Variants in THSD7A observed in about 807,000 individuals in gnomAD.
THSD7A encodes thrombospondin type-1 domain-containing protein 7A.
Under a neutral mutation model 231.3 loss-of-function variants are expected in THSD7A, and 96 were observed. That is an observed-to-expected ratio of 0.41 (90% CI 0.35 to 0.49). The LOEUF is 0.49. THSD7A is among the 20% of genes least tolerant of loss of function. The probability of loss-of-function intolerance (pLI) is 0.05; values close to 1 mark genes in which losing one functional copy is unlikely to be tolerated. For synonymous variants in THSD7A, 940 were observed against 743.3 expected (o/e 1.26, Z -4.30); for missense variants, 2,290 against 2,070.2 (o/e 1.11, Z -2.06).
At chr7:11,410,470 G>T (rs955163772) in intron 19 of THSD7A, 2 of 152,164 alleles carry the variant, frequency 1.3e-5, no homozygotes, top group African/African-American at 4.8e-5. Context: ...TACTTATCTT[G>T]GTTGGTATTT....
intron 1 of THSD7A, among the ~76,000 whole-genome samples, chr7:11,781,717 T>A (rs1783638036): frequency 6.6e-6 from 1 of 152,230 alleles, no homozygotes; most frequent in Non-Finnish European, 1.5e-5. Context: ...TAAACAAAGA[T>A]AATTTAGTAT....
At chr7:11,740,961 A>G (rs1015912430) in intron 1 of THSD7A, among the ~76,000 whole-genome samples, 3 of 151,950 alleles carry the variant, frequency 2.0e-5, no homozygotes, top group African/African-American at 2.4e-5. Flanking sequence ...TGAAAAATAC[A>G]CCTCGGTAGA....
In THSD7A at chr7:11,453,400, G is replaced by A. The variant is rs1583770380; in HGVS notation, c.2606-5976C>T. Among the ~76,000 whole-genome samples, 5 of 151,192 alleles carry A rather than the reference G, an allele frequency of 3.3e-5. 1 individual carries two copies. The highest frequency in any genetic ancestry group is 9.7e-5 in the African/African-American group (4 of 41,228). ...AGTGACACAGGGTGAGGACTCCTAGGGCCAGGAGGACCTCTCCTATGCAAG... is the reference window on the plus strand; with the variant it reads ...AGTGACACAGGGTGAGGACTCCTAGAGCCAGGAGGACCTCTCCTATGCAAG... On this transcript the variant is annotated intron_variant, in intron 11 of 27. Transcript: ENST00000423059.
At chr7:11,586,160 A>G (rs913552652) in intron 4 of THSD7A, among the ~76,000 whole-genome samples, 10 of 152,180 alleles carry the variant, frequency 6.6e-5, no homozygotes, top group Non-Finnish European at 1.0e-4. Context: ...TACTTATATT[A>G]TTCTCAAAAA....
Position 11,401,796 on chromosome 7 carries a change from A to G in THSD7A, c.4410T>C (p.Tyr1470=), listed in dbSNP as rs751772260. ...GAGTATATGAACGGTAGCACTCACC[A>G]TAACATGATTTTGTTTCTAACATCT... ...PEQMLETKSC[Y]DGQCYEYKWM... is the part of the protein sequence containing the mutation. Residue 1470 remains tyrosine (Y), a splice_region_variant and synonymous_variant, in exon 23 of 28, where the codon TAT becomes TAC. Transcript: ENST00000423059. 2.5e-6 allele frequency: 4 copies of G among 1,612,462 alleles called. No homozygotes were observed. In the South Asian group the frequency reaches 4.4e-5, roughly 18 times the overall value.
At chr7:11,716,221 C>T (rs1781132442) in intron 1 of THSD7A, among the ~76,000 whole-genome samples, 1 of 151,506 alleles carries the variant, frequency 6.6e-6, no homozygotes, top group South Asian at 2.1e-4. Context: ...CATGGCATTC[C>T]TTCTGCCTGG....
At chr7:11,429,587 T>C (rs1411151895) in intron 13 of THSD7A, among the ~76,000 whole-genome samples, 5 of 152,244 alleles carry the variant, frequency 3.3e-5, no homozygotes, top group Admixed American at 2.6e-4. Flanking sequence ...AAAGGAACCA[T>C]TTAACTTAGC....
chr7:11,439,162 C>T (rs1370231418), intron 13 of THSD7A, among the ~76,000 whole-genome samples: 1 of 151,820 alleles, frequency 6.6e-6, no homozygotes, highest in Non-Finnish European at 1.5e-5. Flanking sequence ...TAATAGTGTT[C>T]AGCACCAATT....
rs139685713 is a variant in THSD7A at position 11,744,891 on chromosome 7, C to A, written c.190+86866G>T. ...AAGTCTTTGCTGTTGTGAGTAGTGC[C>A]ACAATAAGCACACATGTGCATGTGT... On this transcript the variant is annotated intron_variant, in intron 1 of 27. Transcript: ENST00000423059. Among the ~76,000 whole-genome samples the A allele has an allele frequency of 4.2e-3, 637 of 152,118 alleles. 2 individuals carry two copies. Among genetic ancestry groups the A allele is most frequent in the Non-Finnish European group, 6.9e-3 (471 of 67,992 alleles).
Position 11,831,978 on chromosome 7 carries a change from G to A in THSD7A, c.-32C>T, listed in dbSNP as rs1562586711. The A allele has an allele frequency of 5.8e-6, 7 of 1,215,420 alleles. No individual in the cohort carries two copies. Among genetic ancestry groups the A allele is most frequent in the Non-Finnish European group, 7.2e-6 (7 of 976,474 alleles). The allele number at this position is 1,215,420 out of a possible 1,614,324, so 75.3% of individuals were successfully genotyped here. ...TGCAGCCACTCCAGGGTCCAGAGCC[G>A]TAGCACGCTCGGCAGGGAATTTTTC... On this transcript the variant is annotated 5_prime_UTR_variant, in exon 1 of 28. It adds an upstream start codon to the 5' untranslated region. Coordinates refer to ENST00000423059, the MANE Select transcript of THSD7A (RefSeq NM_015204.3). The surrounding 1 kb of genome is among the most constrained non-coding windows in gnomAD (Gnocchi z 5.0).
At chr7:11,828,667 T>A (rs1443951869) in intron 1 of THSD7A, among the ~76,000 whole-genome samples, 1 of 152,202 alleles carries the variant, frequency 6.6e-6, no homozygotes, top group African/African-American at 2.4e-5. Context: ...CCACAGTGGT[T>A]ACATATTTTA....
Position 11,636,981 on chromosome 7 carries a change from A to C in THSD7A, c.191-20T>G. 2 of 1,584,402 alleles carry C rather than the reference A, an allele frequency of 1.3e-6. No homozygotes were observed. The highest frequency in any genetic ancestry group is 1.7e-6 in the Non-Finnish European group (2 of 1,168,566). ...ATGGACCTACAAAAATTATAACACA[A>C]AAATTAGCAGTGCTACTAGAAGAAA... is the stretch of plus-strand genomic sequence containing the variant. On this transcript the variant is annotated intron_variant, in intron 1 of 27. Coordinates refer to ENST00000423059, the MANE Select transcript of THSD7A (RefSeq NM_015204.3). This position sits in a 1 kb window ranked among gnomAD's most constrained non-coding sequence, Gnocchi z 10.0.
chr7:11,490,203 A>G (rs2128307316), intron 6 of THSD7A, among the ~76,000 whole-genome samples: 1 of 152,208 alleles, frequency 6.6e-6, no homozygotes, highest in Non-Finnish European at 1.5e-5. Flanking sequence ...AATCAATAAT[A>G]TCACATTTGA....
rs189786941 is a variant in THSD7A, at chr7:11,682,839, T to C, written c.191-45878A>G. Reference sequence around the variant, plus strand: ...TCTGCACATAGAACATATTCTATGATTGATCACGTTTGGTCACAAAGCAAG... The same window carrying C: ...TCTGCACATAGAACATATTCTATGACTGATCACGTTTGGTCACAAAGCAAG... On this transcript the variant is annotated intron_variant, in intron 1 of 27. Transcript: ENST00000423059. Among the ~76,000 whole-genome samples the C allele has an allele frequency of 1.1e-3, 167 of 152,124 alleles. 3 individuals are homozygous for C. The highest frequency in any genetic ancestry group is 3.7e-3 in the African/African-American group (155 of 41,518).
intron 11 of THSD7A, among the ~76,000 whole-genome samples, chr7:11,450,243 A>G (rs1785101356): frequency 6.6e-6 from 1 of 152,090 alleles, no homozygotes; most frequent in South Asian, 2.1e-4. Context: ...GTGCAGATCT[A>G]TACTATTCAC....
Position 11,636,527 on chromosome 7 carries a change from T to A in THSD7A, c.625A>T (p.Thr209Ser), listed in dbSNP as rs566232205. The A allele has an allele frequency of 8.7e-6, 14 of 1,613,924 alleles. No individual in the cohort carries two copies. In the South Asian group the frequency reaches 1.5e-4, roughly 18 times the overall value. ...CGGTGCTGGAGCCCGCTGCCGCAGG[T>A]CTTGGAGCATTCGGACCAGGCAGAA... Reference protein sequence around the residue: ...EFSAWSECSKTCGSGLQHRTR... With the variant: ...EFSAWSECSKSCGSGLQHRTR... The change falls in exon 2 of 28, where the codon ACC (threonine) becomes TCC (serine). Residue 209 changes from threonine (T) to serine (S), a missense_variant. Transcript: ENST00000423059. The surrounding 1 kb of genome is among the most constrained non-coding windows in gnomAD (Gnocchi z 10.0).
intron 2 of THSD7A, among the ~76,000 whole-genome samples, chr7:11,616,882 C>G (rs1328008401): frequency 1.3e-5 from 2 of 152,130 alleles, no homozygotes; most frequent in Non-Finnish European, 2.9e-5. Context: ...TTAATCCTCA[C>G]AAGTTTTTGA....
Position 11,437,303 on chromosome 7 carries a change from C to T in THSD7A, c.3065-8178G>A, listed in dbSNP as rs563186638. 4.6e-5 allele frequency among the ~76,000 whole-genome samples: 7 copies of T among 152,240 alleles called. No individual in the cohort carries two copies. In the East Asian group the frequency reaches 1.2e-3, roughly 25 times the overall value. ...GCCCTTCTCTCCCTCATCACCTCCT[C>T]TGTGCTCCCTCAGGGAGCCTGTGTG... On this transcript the variant is annotated intron_variant, in intron 13 of 27. Transcript: ENST00000423059.
chr7:11,446,640 T>C lies in THSD7A; in HGVS notation c.2801-316A>G, dbSNP rs562860175. On this transcript the variant is annotated intron_variant, in intron 12 of 27. Transcript: ENST00000423059. The surrounding 1 kb of genome is among the most constrained non-coding windows in gnomAD (Gnocchi z 4.0). The stretch of plus-strand genomic sequence containing the variant: ...CTGTGTTATATAGTTTCGACAGTCT[T>C]CATTACATAGGTGGTTCATTTTTTA... Among the ~76,000 whole-genome samples the C allele has an allele frequency of 5.1e-4, 77 of 152,232 alleles. No individual in the cohort carries two copies. Among genetic ancestry groups the C allele is most frequent in the Non-Finnish European group, 7.1e-4 (48 of 67,998 alleles).
Sources: gnomAD v4.1 joint callset for allele counts (sites outside exome capture counted in the v4.1 genomes callset) on GRCh38, gnomAD v4.1.1 for gene constraint, Gnocchi (gnomAD v3.1) non-coding constraint, MANE v1.5 for transcripts, NCBI Gene and HGNC (gene_info 2026-07-23, HGNC 2026-07-21) for gene names.